Variants in KRT7 observed in about 807,000 individuals in gnomAD.
The protein encoded by KRT7 is keratin, type II cytoskeletal 7.
Under a neutral mutation model 42.8 loss-of-function variants are expected in KRT7, and 50 were observed. The observed-to-expected ratio is 1.17, with a 90% confidence interval of 0.93 to 1.48. KRT7 has a LOEUF of 1.48. Ranked by LOEUF, KRT7 falls within the 40% of genes most tolerant of loss-of-function variation. The pLI is 0.00. For synonymous variants in KRT7, 268 were observed against 266.3 expected (o/e 1.01, Z -0.06); for missense variants, 588 against 637.6 (o/e 0.92, Z 0.84).
At position 52,233,305 on chromosome 12, in the gene KRT7, C is replaced by A; in HGVS notation, c.9C>A (p.Ile3=). 6.4e-7 allele frequency: 1 copy of A among 1,560,060 alleles called. No homozygotes were observed. Among genetic ancestry groups the A allele is most frequent in the South Asian group, 1.2e-5 (1 of 84,500 alleles). ...ATCCCGGCCCAGCCACCATGTCCAT[C>A]CACTTCAGCTCCCCGGTATTCACCT... is the stretch of plus-strand genomic sequence containing the variant. MS[I]HFSSPVFTSR... Residue 3 remains isoleucine (I), a synonymous_variant, in exon 1 of 9, where the codon ATC becomes ATA. Coordinates refer to ENST00000331817, the MANE Select transcript of KRT7 (RefSeq NM_005556.4).
chr12:52,254,443 AC>A, downstream of KRT7: 1 of 543,190 alleles, frequency 1.8e-6, no homozygotes, highest in South Asian at 1.5e-5. Flanking sequence ...AGGGAGGGGC[AC>A]CCCATCAGGC....
chr12:52,237,576 G>A lies in KRT7; in HGVS notation c.597+7G>A. 1 of 1,601,326 alleles carries A rather than the reference G, an allele frequency of 6.2e-7. No individual in the cohort carries two copies. Among genetic ancestry groups the A allele is most frequent in the South Asian group, 1.1e-5 (1 of 90,082 alleles). On this transcript the variant is annotated splice_region_variant and intron_variant, in intron 3 of 8. Transcript: ENST00000331817. Reference sequence around the variant, plus strand: ...GTTTGTGGTGCTGAAGAAGGTGAGTGGGAAAGACAGGCTCGAGGAGGGTTG... The same window carrying A: ...GTTTGTGGTGCTGAAGAAGGTGAGTAGGAAAGACAGGCTCGAGGAGGGTTG...
rs536832886 is a variant in KRT7, at chr12:52,242,136, A to AT, written c.858+508dup. 4.9e-4 allele frequency among the ~76,000 whole-genome samples: 74 copies of AT among 151,688 alleles called. No individual in the cohort carries two copies. In the East Asian group the frequency reaches 5.8e-3, roughly 12 times the overall value. Reference sequence around the variant, plus strand: ...AGGTGTGCACCACCATGCCTGGCTAATTTTTTTTGTATTTTGAGTAGAGAC... The same window carrying AT: ...AGGTGTGCACCACCATGCCTGGCTAATTTTTTTTTGTATTTTGAGTAGAGAC... On this transcript the variant is annotated intron_variant, in intron 5 of 8. Transcript: ENST00000331817.
Position 52,245,654 on chromosome 12 carries a change from A to AGGG in KRT7, c.1205+24_1205+26dup, listed in dbSNP as rs1481624729. The AGGG allele has an allele frequency of 3.1e-6, 5 of 1,612,730 alleles. No individual in the cohort carries two copies. The South Asian group carries it at 4.4e-5, about 14-fold the overall frequency. Reference sequence around the variant, plus strand: ...GCCGGTGAGGACAAGGAACCTGGAAAGGGGATGCTTCTAGGGCTCCGTGGG... The same window carrying AGGG: ...GCCGGTGAGGACAAGGAACCTGGAAAGGGGGGGATGCTTCTAGGGCTCCGTGGG... On this transcript the variant is annotated intron_variant, in intron 7 of 8. Coordinates refer to ENST00000331817, the MANE Select transcript of KRT7 (RefSeq NM_005556.4).
intron 2 of KRT7, among the ~76,000 whole-genome samples, chr12:52,236,484 G>T (rs1014401660): frequency 6.6e-6 from 1 of 152,162 alleles, no homozygotes; most frequent in Non-Finnish European, 1.5e-5. Context: ...GAGGGTCCCT[G>T]TGTGCAGCTG....
intron 6 of KRT7, 35 bp from the exon 7 acceptor site, chr12:52,245,377 T>A: frequency 6.2e-7 from 1 of 1,606,128 alleles, no homozygotes; most frequent in Non-Finnish European, 8.5e-7. Context: ...GGCAGACTGG[T>A]GAGCCCCAGC....
chr12:52,236,246 G>T (rs561551299), intron 2 of KRT7, among the ~76,000 whole-genome samples: 8 of 150,734 alleles, frequency 5.3e-5, no homozygotes, highest in Non-Finnish European at 1.2e-4. Flanking sequence ...AACAGGATTA[G>T]TCCCATAGCA....
chr12:52,248,219 C>T lies in KRT7; in HGVS notation c.1240+8C>T, dbSNP rs1287889105. Reference sequence around the variant, plus strand: ...TGGGAGCCGTGAATATCTGTAAGTCCTTGGCTGCGGCCCATGGGAAGCATC... The same window carrying T: ...TGGGAGCCGTGAATATCTGTAAGTCTTTGGCTGCGGCCCATGGGAAGCATC... On this transcript the variant is annotated splice_region_variant and intron_variant, in intron 8 of 8. Coordinates refer to ENST00000331817, the MANE Select transcript of KRT7 (RefSeq NM_005556.4). 2 of 1,613,896 alleles carry T rather than the reference C, an allele frequency of 1.2e-6. No homozygotes were observed. The highest frequency in any genetic ancestry group is 1.7e-6 in the Non-Finnish European group (2 of 1,179,914).
downstream of KRT7, chr12:52,252,205 T>TA: frequency 1.2e-6 from 2 of 1,600,440 alleles, no homozygotes; most frequent in Non-Finnish European, 1.7e-6. Flanking sequence ...GTTGAAGCAC[T>TA]GCAGCACTGC....
downstream of KRT7, chr12:52,253,335 C>G: frequency 1.2e-6 from 2 of 1,612,886 alleles, no homozygotes; most frequent in Non-Finnish European, 1.7e-6. Context: ...TTCATCTCCT[C>G]ACACTGGGGA....
At chr12:52,245,229 C>T (rs1333557285) in intron 6 of KRT7, 183 bp from the exon 7 acceptor site, 1 of 628,662 alleles carries the variant, frequency 1.6e-6, no homozygotes, top group Non-Finnish European at 2.7e-6. Context: ...AGAGCCAGAA[C>T]TGGAACATAG....
At chr12:52,253,503 G>A (rs117420962), downstream of KRT7, 7,519 of 1,564,694 alleles carry the variant, frequency 4.8e-3, 29 homozygotes, top group Non-Finnish European at 5.5e-3. Flanking sequence ...CTTCCCATCC[G>A]TAGGGACCAG....
chr12:52,254,264 C>T (rs766621747), downstream of KRT7: 19 of 912,502 alleles, frequency 2.1e-5, no homozygotes, highest in East Asian at 2.9e-4. Context: ...TTTGTGACCC[C>T]GCACCTCCTC....
At chr12:52,245,716 C>T (rs1565721843) in intron 7 of KRT7, 84 bp downstream of exon 7, 1 of 1,530,438 alleles carries the variant, frequency 6.5e-7, no homozygotes, top group Non-Finnish European at 8.9e-7. Context: ...ACAAGCATTT[C>T]CTGTATGCCC....
At chr12:52,243,343 C>A in intron 6 of KRT7, 1 of 569,070 alleles carries the variant, frequency 1.8e-6, no homozygotes, top group Non-Finnish European at 3.0e-6. Flanking sequence ...CCTGGATGTG[C>A]ACAGAGCCTG....
rs1444192401 is a variant in KRT7, at chr12:52,235,347, G to A, written c.517G>A (p.Val173Met). The change falls in exon 2 of 9, where the codon GTG becomes ATG. Residue 173 changes from valine to methionine, a missense_variant. Coordinates refer to ENST00000331817, the MANE Select transcript of KRT7 (RefSeq NM_005556.4). ...EAELRSMQDV[V>M]EDFKNKYEDE... is the part of the protein sequence containing the mutation. ...GGAGCTGCGGAGCATGCAGGATGTG[G>A]TGGAGGACTTCAAGAATAAGTAATG... 6.2e-7 allele frequency: 1 copy of A among 1,611,662 alleles called. No homozygotes were observed. Among genetic ancestry groups the A allele is most frequent in the Non-Finnish European group, 8.5e-7 (1 of 1,178,844 alleles).
rs773940906 is a variant in KRT7, at chr12:52,248,767, T to TC, written c.*10dup. On this transcript the variant is annotated 3_prime_UTR_variant, in exon 9 of 9. Transcript: ENST00000331817. ...CAGGAGTGCCCGCGACTGAGCCGCC[T>TC]CCCACCACTCCACTCCTCCAGCCAC... 6.5e-7 allele frequency: 1 copy of TC among 1,538,954 alleles called. No homozygotes were observed. The highest frequency in any genetic ancestry group is 8.7e-7 in the Non-Finnish European group (1 of 1,146,406).
At chr12:52,240,355 C>G (rs542340308) in intron 4 of KRT7, among the ~76,000 whole-genome samples, 1 of 152,096 alleles carries the variant, frequency 6.6e-6, no homozygotes, top group Admixed American at 6.5e-5. Flanking sequence ...CTTGGCCAGG[C>G]GTGGTGGCTC....
At chr12:52,251,256 A>G (rs544441948), downstream of KRT7, among the ~76,000 whole-genome samples, 5 of 152,240 alleles carry the variant, frequency 3.3e-5, no homozygotes, top group Non-Finnish European at 5.9e-5. Context: ...CTGGGATTAC[A>G]GGTGTAAGCC....
Sources: allele counts gnomAD v4.1 joint callset (sites outside exome capture counted in the v4.1 genomes callset), GRCh38; gene constraint gnomAD v4.1.1; transcripts MANE v1.5; gene names NCBI Gene and HGNC (gene_info 2026-07-23, HGNC 2026-07-21).